Variants in TAF12 observed in about 807,000 individuals in gnomAD.
The protein encoded by TAF12 is TATA-box binding protein associated factor 12, also known as transcription initiation factor TFIID subunit 12.
In TAF12, 3 loss-of-function variants were observed where a neutral mutation model predicts 20.8. That is an observed-to-expected ratio of 0.14 (90% CI 0.07 to 0.37). The LOEUF is 0.37. TAF12 is among the 10% of genes least tolerant of loss of function. TAF12 has a pLI of 1.00. For synonymous variants in TAF12, 69 were observed against 70.2 expected, an observed-to-expected ratio of 0.98 and a Z score of 0.09; for missense variants, 131 against 197.9, an observed-to-expected ratio of 0.66 and a Z score of 2.03.
intron 3 of TAF12, among the ~76,000 whole-genome samples, chr1:28,616,416 A>T (rs1667043488): frequency 6.6e-6 from 1 of 151,116 alleles, no homozygotes; most frequent in South Asian, 2.1e-4. Context: ...AAAAAAGAAA[A>T]GAAAAAGAAA....
intron 1 of TAF12, among the ~76,000 whole-genome samples, chr1:28,638,039 C>T (rs1022798466): frequency 4.6e-5 from 7 of 151,972 alleles, no homozygotes; most frequent in Non-Finnish European, 7.4e-5. Flanking sequence ...CTCGCTCTGT[C>T]GCTCAGGCTG....
intron 1 of TAF12, among the ~76,000 whole-genome samples, chr1:28,632,780 TGTA>T (rs1255954689): frequency 2.6e-5 from 4 of 152,122 alleles, no homozygotes; most frequent in Non-Finnish European, 4.4e-5. Flanking sequence ...TCTTGAGTGT[TGTA>T]GTGCTTACAT....
At chr1:28,639,571 G>C (rs1667967228) in intron 1 of TAF12, among the ~76,000 whole-genome samples, 1 of 151,996 alleles carries the variant, frequency 6.6e-6, no homozygotes, top group Admixed American at 6.6e-5. Context: ...AGTACATTTT[G>C]CAAGTATAGG....
chr1:28,631,478 T>C (rs1667617817), intron 1 of TAF12, among the ~76,000 whole-genome samples: 2 of 151,652 alleles, frequency 1.3e-5, no homozygotes. Context: ...TGAGCTGAGA[T>C]TGCACCACTG....
intron 2 of TAF12, among the ~76,000 whole-genome samples, chr1:28,618,534 AT>A (rs968347496): frequency 0.021 from 2,580 of 125,694 alleles, 16 homozygotes; most frequent in African/African-American, 0.035. Context: ...TACCTGGCTA[AT>A]TTTTTTTTTT....
upstream of TAF12, among the ~76,000 whole-genome samples, chr1:28,644,928 A>C (rs1332846382): frequency 2.0e-5 from 3 of 151,994 alleles, no homozygotes; most frequent in Non-Finnish European, 4.4e-5. Context: ...ACAGGGTCTC[A>C]CTCTGTCACC....
chr1:28,639,330 C>A (rs1464385816), intron 1 of TAF12, among the ~76,000 whole-genome samples: 1 of 148,794 alleles, frequency 6.7e-6, no homozygotes, highest in African/African-American at 2.5e-5. Context: ...GCAGGAGAAT[C>A]GCTTGAACCC....
At chr1:28,627,272 G>A (rs1354659617) in intron 1 of TAF12, among the ~76,000 whole-genome samples, 2 of 149,042 alleles carry the variant, frequency 1.3e-5, no homozygotes, top group Non-Finnish European at 3.0e-5. Context: ...CCTGTAATCC[G>A]AGCTACTCAG....
At chr1:28,624,559 C>T (rs1218747785) in intron 1 of TAF12, among the ~76,000 whole-genome samples, 5 of 151,904 alleles carry the variant, frequency 3.3e-5, no homozygotes, top group South Asian at 2.1e-4. Context: ...CCAGCATGGC[C>T]GACATAATGA....
At chr1:28,625,660 G>C (rs151285677) in intron 1 of TAF12, among the ~76,000 whole-genome samples, 4,082 of 150,816 alleles carry the variant, frequency 0.027, 196 homozygotes, top group African/African-American at 0.095. Flanking sequence ...TCCTGTCTCA[G>C]CCTCCCAAGT....
intron 5 of TAF12, 69 bp from the exon 6 acceptor site, chr1:28,603,643 T>C (rs1666574400): frequency 6.4e-7 from 1 of 1,552,316 alleles, no homozygotes; most frequent in African/African-American, 1.4e-5. Flanking sequence ...GAACATTCTG[T>C]GTGGCTAGCA....
intron 2 of TAF12, 88 bp from the exon 3 acceptor site, chr1:28,618,118 T>C: frequency 7.5e-7 from 1 of 1,341,338 alleles, no homozygotes; most frequent in Admixed American, 2.0e-5. Context: ...GCTGTCAAAT[T>C]GTTGGTTTTA....
chr1:28,619,910 T>C (rs889172360), intron 2 of TAF12, among the ~76,000 whole-genome samples: 3 of 150,080 alleles, frequency 2.0e-5, no homozygotes, highest in East Asian at 2.0e-4. Context: ...GATTATGCCA[T>C]TGCACTCCAT....
At chr1:28,648,024 G>C (rs1024854085), upstream of TAF12, among the ~76,000 whole-genome samples, 4 of 152,058 alleles carry the variant, frequency 2.6e-5, no homozygotes, top group Admixed American at 2.0e-4. Flanking sequence ...TCGAAGTGCA[G>C]CATATAGCAT....
chr1:28,618,092 C>T (rs1312528397), intron 2 of TAF12, 62 bp from the exon 3 acceptor site: 7 of 1,455,374 alleles, frequency 4.8e-6, no homozygotes, highest in Admixed American at 1.8e-5. Context: ...AAATCATTAC[C>T]CTGTAATGAA....
At chr1:28,646,937 A>T (rs1668205354), upstream of TAF12, among the ~76,000 whole-genome samples, 1 of 151,880 alleles carries the variant, frequency 6.6e-6, no homozygotes, top group Admixed American at 6.6e-5. Context: ...TGACCTAGTG[A>T]TCTGCCCACC....
intron 4 of TAF12, among the ~76,000 whole-genome samples, chr1:28,608,364 G>T (rs1259198439): frequency 6.6e-6 from 1 of 151,520 alleles, no homozygotes; most frequent in Non-Finnish European, 1.5e-5. Flanking sequence ...AGGATCCCTT[G>T]AACTCAGGTG....
intron 5 of TAF12, 62 bp from the exon 6 acceptor site, chr1:28,603,636 C>T: frequency 1.9e-6 from 3 of 1,573,896 alleles, no homozygotes; most frequent in South Asian, 1.1e-5. Flanking sequence ...CTTTCTGGAA[C>T]ATTCTGTGTG....
intron 4 of TAF12, among the ~76,000 whole-genome samples, chr1:28,610,829 G>T (rs548362646): frequency 6.6e-6 from 1 of 151,792 alleles, no homozygotes; most frequent in African/African-American, 2.4e-5. Context: ...GCATGGTGGC[G>T]TGTGCCTGTA....
Sources: gnomAD v4.1 joint callset for allele counts (sites outside exome capture counted in the v4.1 genomes callset) on GRCh38, gnomAD v4.1.1 for gene constraint, MANE v1.5 for transcripts, NCBI Gene and HGNC (gene_info 2026-07-23, HGNC 2026-07-21) for gene names.